The following OR14A2 variants were observed in gnomAD, a reference collection of about 807,000 sequenced individuals.
OR14A2 encodes the protein olfactory receptor family 14 subfamily A member 2.
For synonymous variants in OR14A2, 114 were observed against 58.6 expected (o/e 1.95, Z -4.32); for missense variants, 237 against 152.9 (o/e 1.55, Z -2.90).
chr1:247,735,149 C>T, the OR14A2 span, among the ~76,000 whole-genome samples: 5 of 152,162 alleles, frequency 3.3e-5, no homozygotes. Context: ...CATCTCTCGT[C>T]ATTTGTGAGA....
the OR14A2 span, among the ~76,000 whole-genome samples, chr1:247,748,081 T>C: frequency 1.8e-4 from 27 of 152,330 alleles, 1 homozygote; most frequent in African/African-American, 6.5e-4. Context: ...ATTCTATGAA[T>C]GTCATTTTCA....
At chr1:247,725,509 AT>A (rs1558306502), upstream of OR14A2, among the ~76,000 whole-genome samples, 421 of 150,180 alleles carry the variant, frequency 2.8e-3, 2 homozygotes, top group African/African-American at 1.0e-2. Flanking sequence ...TTATTTATTT[AT>A]TTATTTTTTA....
the OR14A2 span, among the ~76,000 whole-genome samples, chr1:247,735,146 C>T: frequency 0.015 from 2,263 of 152,180 alleles, 28 homozygotes; most frequent in South Asian, 0.04. Flanking sequence ...AGGCATCTCT[C>T]GTCATTTGTG....
chr1:247,738,981 G>GC, the OR14A2 span: 1 of 780,700 alleles, frequency 1.3e-6, no homozygotes, highest in African/African-American at 1.7e-5. Context: ...CCGCTATGCT[G>GC]CCATCTGCTG....
chr1:247,738,056 A>G, the OR14A2 span, among the ~76,000 whole-genome samples: 1 of 152,212 alleles, frequency 6.6e-6, no homozygotes, highest in African/African-American at 2.4e-5. Context: ...AAATGATACT[A>G]TAATCACATT....
the OR14A2 span, among the ~76,000 whole-genome samples, chr1:247,743,081 A>G: frequency 6.6e-6 from 1 of 152,350 alleles, no homozygotes; most frequent in Non-Finnish European, 1.5e-5. Context: ...AAACAACCAG[A>G]GTATGGAAAT....
upstream of OR14A2, among the ~76,000 whole-genome samples, chr1:247,724,748 CA>C (rs1276140024): frequency 6.6e-6 from 1 of 151,920 alleles, no homozygotes; most frequent in African/African-American, 2.4e-5. Flanking sequence ...GTACTAAAGC[CA>C]CATCATTATA....
upstream of OR14A2, chr1:247,724,046 T>A: frequency 1.4e-6 from 1 of 698,454 alleles, no homozygotes; most frequent in South Asian, 1.6e-5. Flanking sequence ...TTGGCCATAC[T>A]AGATTCTCTT....
chr1:247,729,359 T>G, the OR14A2 span, among the ~76,000 whole-genome samples: 10 of 152,092 alleles, frequency 6.6e-5, no homozygotes, highest in Non-Finnish European at 1.0e-4. Flanking sequence ...TTCCCTTAAT[T>G]CTACTTATCA....
At chr1:247,741,781 T>G in the OR14A2 span, among the ~76,000 whole-genome samples, 1 of 152,226 alleles carries the variant, frequency 6.6e-6, no homozygotes, top group Non-Finnish European at 1.5e-5. Context: ...TGCTGATGTT[T>G]GCTCTGATAG....
the OR14A2 span, among the ~76,000 whole-genome samples, chr1:247,730,677 TG>T: frequency 1.3e-5 from 2 of 152,044 alleles, no homozygotes; most frequent in Non-Finnish European, 2.9e-5. Flanking sequence ...CATTTACACA[TG>T]TATTAGTCAG....
chr1:247,737,452 G>GT, the OR14A2 span, among the ~76,000 whole-genome samples: 1 of 152,202 alleles, frequency 6.6e-6, no homozygotes, highest in African/African-American at 2.4e-5. Context: ...AGCACTGGCA[G>GT]TAGCTTTAGA....
the OR14A2 span, among the ~76,000 whole-genome samples, chr1:247,736,855 T>C: frequency 2.9e-4 from 44 of 152,338 alleles, 1 homozygote; most frequent in African/African-American, 1.1e-3. Flanking sequence ...TCTCCATTAT[T>C]GCTCTAAAGC....
chr1:247,731,201 T>G, the OR14A2 span, among the ~76,000 whole-genome samples: 1 of 152,078 alleles, frequency 6.6e-6, no homozygotes, highest in African/African-American at 2.4e-5. Flanking sequence ...TATTTTTCCT[T>G]CATTCTCAAT....
upstream of OR14A2, among the ~76,000 whole-genome samples, chr1:247,726,409 T>G (rs1265955509): frequency 2.1e-5 from 3 of 140,982 alleles, no homozygotes; most frequent in Non-Finnish European, 4.5e-5. Context: ...TTTGTTTGAG[T>G]TCATTGTAGA....
the OR14A2 span, among the ~76,000 whole-genome samples, chr1:247,743,772 A>G: frequency 6.6e-6 from 1 of 152,096 alleles, no homozygotes; most frequent in East Asian, 1.9e-4. Flanking sequence ...CTTAGAGTCT[A>G]TCTTTTTAAC....
the OR14A2 span, among the ~76,000 whole-genome samples, chr1:247,731,363 A>G: frequency 1.3e-5 from 2 of 151,924 alleles, no homozygotes; most frequent in East Asian, 1.9e-4. Flanking sequence ...CCCTTTATGT[A>G]ATATATTACT....
upstream of OR14A2, among the ~76,000 whole-genome samples, chr1:247,727,473 A>G (rs1280524685): frequency 6.6e-6 from 1 of 152,130 alleles, no homozygotes; most frequent in Non-Finnish European, 1.5e-5. Context: ...GAAAGCAGGA[A>G]AGATCCAAAA....
chr1:247,740,289 T>C, the OR14A2 span, among the ~76,000 whole-genome samples: 1 of 152,224 alleles, frequency 6.6e-6, no homozygotes, highest in East Asian at 1.9e-4. Flanking sequence ...CGATTCAACG[T>C]TCTTTATAGC....
Sources: allele counts gnomAD v4.1 joint callset (sites outside exome capture counted in the v4.1 genomes callset), GRCh38; gene constraint gnomAD v4.1.1; transcripts MANE v1.5; gene names NCBI Gene and HGNC (gene_info 2026-07-23, HGNC 2026-07-21).